ZC3H12B: variants seen among roughly 807,000 people sequenced by gnomAD.
ZC3H12B encodes the protein zinc finger CCCH-type containing 12B, also known as probable ribonuclease ZC3H12B.
Under a neutral mutation model 43.9 loss-of-function variants are expected in ZC3H12B, and 7 were observed. That is an observed-to-expected ratio of 0.16 (90% CI 0.09 to 0.30). The LOEUF (loss-of-function observed/expected upper bound fraction) is 0.30. Among genes scored for constraint, ZC3H12B ranks in the 10% least tolerant of loss-of-function variants. The pLI, the probability that ZC3H12B is intolerant of heterozygous loss-of-function variation, is 1.00. For missense variants in ZC3H12B, 475 were observed against 670.2 expected (o/e 0.71, Z 3.22); for synonymous variants, 222 against 241.7 (o/e 0.92, Z 0.76).
chrX:65,124,515 G>A, the ZC3H12B span, among the ~76,000 whole-genome samples: 1 of 110,373 alleles, frequency 9.1e-6, no homozygotes, highest in Non-Finnish European at 1.9e-5. Flanking sequence ...GATTTAGGGA[G>A]GATTCCCTCT....
the ZC3H12B span, among the ~76,000 whole-genome samples, chrX:65,229,052 C>A: frequency 9.1e-6 from 1 of 110,388 alleles, no homozygotes; most frequent in Non-Finnish European, 1.9e-5. Flanking sequence ...TCATATGGAA[C>A]CAAAAAAGAG....
the ZC3H12B span, among the ~76,000 whole-genome samples, chrX:65,173,019 A>G: frequency 1.8e-5 from 2 of 111,939 alleles, no homozygotes; most frequent in Non-Finnish European, 3.8e-5. Flanking sequence ...TTTGGGCAGT[A>G]TGGCCAATTT....
chrX:65,232,811 G>GA, the ZC3H12B span, among the ~76,000 whole-genome samples: 33 of 103,873 alleles, frequency 3.2e-4, no homozygotes, highest in South Asian at 1.3e-3. Flanking sequence ...TGAATGGATG[G>GA]AAAAAAAAAA....
intron 3 of ZC3H12B, among the ~76,000 whole-genome samples, chrX:65,448,006 G>A (rs1001462719): frequency 3.6e-5 from 4 of 111,314 alleles, no homozygotes; most frequent in Non-Finnish European, 7.5e-5. Flanking sequence ...TCTGAGGCAG[G>A]TGGATCACGA....
chrX:65,434,936 G>GA (rs1426159982), intron 3 of ZC3H12B, among the ~76,000 whole-genome samples: 3 of 110,442 alleles, frequency 2.7e-5, no homozygotes, highest in African/African-American at 9.9e-5. Flanking sequence ...CTGGAAAAAA[G>GA]AAAAAAAGGG....
At chrX:65,441,818 C>T (rs186159224) in intron 3 of ZC3H12B, among the ~76,000 whole-genome samples, 299 of 110,738 alleles carry the variant, frequency 2.7e-3, no homozygotes, top group Middle Eastern at 9.1e-3. Context: ...CCAGCTGTGG[C>T]GGAGGACAGA....
At chrX:65,334,881 C>A in the ZC3H12B span, among the ~76,000 whole-genome samples, 54 of 111,572 alleles carry the variant, frequency 4.8e-4, 1 homozygote, top group African/African-American at 6.8e-4. Flanking sequence ...CATTACAAAG[C>A]AACCCAATCA....
At chrX:65,108,317 AAC>A in the ZC3H12B span, among the ~76,000 whole-genome samples, 1 of 111,893 alleles carries the variant, frequency 8.9e-6, no homozygotes, top group South Asian at 3.7e-4. Context: ...TATTTATAGT[AAC>A]ACTTAGCTTA....
chrX:65,346,545 C>A, the ZC3H12B span, among the ~76,000 whole-genome samples: 3 of 112,215 alleles, frequency 2.7e-5, no homozygotes, highest in East Asian at 8.4e-4. Flanking sequence ...CCAAAATTAT[C>A]ATTTTTTACA....
At chrX:65,083,829 G>A in the ZC3H12B span, among the ~76,000 whole-genome samples, 1 of 111,449 alleles carries the variant, frequency 9.0e-6, no homozygotes, top group African/African-American at 3.3e-5. Context: ...AAAACTAGAG[G>A]AATCACATTA....
At chrX:65,336,520 C>G in the ZC3H12B span, among the ~76,000 whole-genome samples, 1 of 112,691 alleles carries the variant, frequency 8.9e-6, no homozygotes, top group Non-Finnish European at 1.9e-5. Flanking sequence ...AATTATCGAA[C>G]TGGCAAGACT....
chrX:65,266,007 G>C, the ZC3H12B span, among the ~76,000 whole-genome samples: 5 of 111,660 alleles, frequency 4.5e-5, no homozygotes, highest in Admixed American at 2.9e-4. Flanking sequence ...TCCCTGAGTT[G>C]AGAAGCTAGA....
intron 2 of ZC3H12B, among the ~76,000 whole-genome samples, chrX:65,380,953 G>A (rs879161562): frequency 9.0e-6 from 1 of 111,527 alleles, no homozygotes; most frequent in Non-Finnish European, 1.9e-5. Context: ...GATTCATAAA[G>A]CAAGTCCTGA....
chrX:65,379,589 G>A (rs756549374), intron 2 of ZC3H12B, among the ~76,000 whole-genome samples: 5 of 112,474 alleles, frequency 4.4e-5, no homozygotes, highest in Non-Finnish European at 7.5e-5. Flanking sequence ...CACCAGCAAC[G>A]GAACAAAGCT....
At chrX:65,410,784 C>T (rs774218263) in intron 3 of ZC3H12B, among the ~76,000 whole-genome samples, 12 of 112,056 alleles carry the variant, frequency 1.1e-4, no homozygotes, top group African/African-American at 3.9e-4. Flanking sequence ...GTGCAAATAG[C>T]TTATATCCAA....
intron 3 of ZC3H12B, among the ~76,000 whole-genome samples, chrX:65,458,084 T>A (rs967901603): frequency 0.016 from 760 of 48,155 alleles, no homozygotes; most frequent in African/African-American, 0.023. Flanking sequence ...AAAAAAAAAA[T>A]TAAAAAAAAA....
At chrX:65,405,843 T>C (rs2066815137) in intron 3 of ZC3H12B, among the ~76,000 whole-genome samples, 1 of 111,566 alleles carries the variant, frequency 9.0e-6, no homozygotes, top group Non-Finnish European at 1.9e-5. Context: ...AATTCAAAGA[T>C]CATTTGTGGC....
At position 65,497,148 on chromosome X, in the gene ZC3H12B, G is replaced by T; in HGVS notation, c.625G>T (p.Glu209Ter). The stretch of plus-strand genomic sequence containing the variant: ...CTTCCTAAGCCATGGGAATAAAGAA[G>T]AATTCTCCTGCAGAGGAATACAACT... The change falls in exon 2 of 5, where the codon GAA becomes TAA. Residue 209 changes from glutamate (E) to a stop codon, truncating the protein, a stop_gained. Coordinates refer to ENST00000338957, the Ensembl canonical transcript of ZC3H12B. LOFTEE classifies it high-confidence loss of function. 8.3e-7 allele frequency: 1 copy of T among 1,207,344 alleles called. No individual in the cohort carries two copies.
At chrX:65,292,324 A>G in the ZC3H12B span, among the ~76,000 whole-genome samples, 1 of 112,278 alleles carries the variant, frequency 8.9e-6, no homozygotes, top group Admixed American at 9.4e-5. Flanking sequence ...CATGTCCTTT[A>G]CAGGGACATG....
Sources: allele counts gnomAD v4.1 joint callset (sites outside exome capture counted in the v4.1 genomes callset), GRCh38; gene constraint gnomAD v4.1.1; transcripts MANE v1.5; gene names NCBI Gene and HGNC (gene_info 2026-07-23, HGNC 2026-07-21).